RABGAP1L: variants seen among roughly 807,000 people sequenced by gnomAD.
RABGAP1L encodes rab GTPase-activating protein 1-like.
In RABGAP1L, 63 loss-of-function variants were observed where a neutral mutation model predicts 137.7. The observed-to-expected ratio is 0.46, with a 90% CI of 0.37 to 0.56. The LOEUF is 0.56. RABGAP1L is among the 20% of genes least tolerant of loss of function. RABGAP1L has a pLI of 0.00. For missense variants in RABGAP1L, 1,095 were observed against 1,244.0 expected, an observed-to-expected ratio of 0.88 and a Z score of 1.80; for synonymous variants, 431 against 433.7, an observed-to-expected ratio of 0.99 and a Z score of 0.08.
chr1:174,808,820 A>AT (rs1453192200), intron 18 of RABGAP1L, among the ~76,000 whole-genome samples: 2 of 151,378 alleles, frequency 1.3e-5, no homozygotes, highest in African/African-American at 2.4e-5. Flanking sequence ...CGCCTGGCTA[A>AT]TTTTTTTTAT....
At chr1:174,364,395 C>T (rs1684431506) in intron 11 of RABGAP1L, among the ~76,000 whole-genome samples, 3 of 149,084 alleles carry the variant, frequency 2.0e-5, no homozygotes, top group South Asian at 4.3e-4. Flanking sequence ...GCTGGGACTA[C>T]AGGCGCCCGC....
chr1:174,875,605 C>T (rs1398348877), intron 19 of RABGAP1L: 6 of 985,152 alleles, frequency 6.1e-6, no homozygotes, highest in Non-Finnish European at 6.0e-6. Flanking sequence ...ATTGCTTTCA[C>T]ATCTAGAAAA....
At chr1:174,429,877 C>G (rs1652406856) in intron 13 of RABGAP1L, among the ~76,000 whole-genome samples, 1 of 151,976 alleles carries the variant, frequency 6.6e-6, no homozygotes, top group Admixed American at 6.6e-5. Flanking sequence ...CATTTCCAGC[C>G]AAGTTAGTCT....
chr1:174,374,919 A>G (rs931680868), intron 12 of RABGAP1L, among the ~76,000 whole-genome samples: 9 of 152,144 alleles, frequency 5.9e-5, no homozygotes, highest in African/African-American at 2.2e-4. Context: ...GTTTGGGATT[A>G]TATCACCATT....
intron 14 of RABGAP1L, among the ~76,000 whole-genome samples, chr1:174,649,978 G>C (rs867945121): frequency 6.6e-5 from 10 of 152,062 alleles, no homozygotes; most frequent in African/African-American, 2.2e-4. Context: ...GTGTGTCATA[G>C]ATAGCTCTTA....
At chr1:174,274,333 A>T (rs1489501228) in intron 8 of RABGAP1L, among the ~76,000 whole-genome samples, 2 of 152,114 alleles carry the variant, frequency 1.3e-5, no homozygotes, top group East Asian at 3.9e-4. Context: ...TCCGTGAATG[A>T]TGGACCCATA....
chr1:174,598,417 A>T (rs766407875), intron 13 of RABGAP1L, among the ~76,000 whole-genome samples: 1 of 151,122 alleles, frequency 6.6e-6, no homozygotes, highest in Non-Finnish European at 1.5e-5. Context: ...TGAAATATCT[A>T]TTAGGTCCAT....
chr1:174,416,044 A>ACAT (rs1558215063), intron 13 of RABGAP1L, among the ~76,000 whole-genome samples: 3 of 144,342 alleles, frequency 2.1e-5, no homozygotes, highest in African/African-American at 5.2e-5. Context: ...ATACACACAC[A>ACAT]TTTTTTTTTT....
chr1:174,556,101 G>A (rs1214111560), intron 13 of RABGAP1L, among the ~76,000 whole-genome samples: 3 of 149,852 alleles, frequency 2.0e-5, no homozygotes, highest in East Asian at 4.0e-4. Flanking sequence ...AGGTTCAAGC[G>A]ATTCTCCTGC....
In RABGAP1L at chr1:174,623,828, C is replaced by T. The variant is rs565604450; in HGVS notation, c.1711-13547C>T. ...CCCCCATGCCTTGGACCCCCCTCAT[C>T]AGGCATGATGTTCCATGGGCTAGAA... On this transcript the variant is annotated intron_variant, in intron 13 of 25. Transcript: ENST00000681986. 1.1e-4 allele frequency among the ~76,000 whole-genome samples: 17 copies of T among 152,330 alleles called. No individual in the cohort carries two copies. In the South Asian group the frequency reaches 3.5e-3, roughly 32 times the overall value.
Position 174,589,653 on chromosome 1 carries a change from G to A in RABGAP1L, c.1711-47722G>A, listed in dbSNP as rs539048947. Among the ~76,000 whole-genome samples the A allele has an allele frequency of 4.9e-4, 75 of 152,230 alleles. No homozygotes were observed. The South Asian group carries it at 0.012, about 25-fold the overall frequency. On this transcript the variant is annotated intron_variant, in intron 13 of 25. Coordinates refer to ENST00000681986, the MANE Select transcript of RABGAP1L (RefSeq NM_001366446.1). The stretch of plus-strand genomic sequence containing the variant: ...TTTTTATATATGTCGAGAGAAAGGG[G>A]TCTAGTTTCATTCTTCTGCATATGG...
chr1:174,447,765 A>G (rs1177664735), intron 13 of RABGAP1L, among the ~76,000 whole-genome samples: 1 of 150,536 alleles, frequency 6.6e-6, no homozygotes, highest in African/African-American at 2.5e-5. Flanking sequence ...CAAGATAATA[A>G]GAAGTCTATT....
chr1:174,903,454 C>A (rs776440228), intron 19 of RABGAP1L, among the ~76,000 whole-genome samples: 8 of 152,280 alleles, frequency 5.3e-5, no homozygotes, highest in Middle Eastern at 6.8e-3. Context: ...ACAAATTCTG[C>A]TGTTCTATTT....
At chr1:174,560,025 C>T (rs752699018) in intron 13 of RABGAP1L, among the ~76,000 whole-genome samples, 6 of 151,998 alleles carry the variant, frequency 3.9e-5, no homozygotes, top group Non-Finnish European at 8.8e-5. Context: ...ATCCCAGCTA[C>T]TTGGGGGGCT....
intron 13 of RABGAP1L, among the ~76,000 whole-genome samples, chr1:174,447,463 ACC>A (rs1430366505): frequency 4.6e-5 from 7 of 151,448 alleles, no homozygotes; most frequent in Non-Finnish European, 8.8e-5. Context: ...TATAAATTTG[ACC>A]CCCCAACATC....
chr1:174,590,067 T>G (rs954673091), intron 13 of RABGAP1L, among the ~76,000 whole-genome samples: 2 of 151,624 alleles, frequency 1.3e-5, no homozygotes, highest in African/African-American at 4.8e-5. Context: ...ACAATATTGA[T>G]TCTTCTAATC....
At chr1:174,774,550 ATT>A (rs575961663) in intron 18 of RABGAP1L, among the ~76,000 whole-genome samples, 3 of 148,222 alleles carry the variant, frequency 2.0e-5, no homozygotes, top group African/African-American at 4.9e-5. Context: ...ACAAAGGAAG[ATT>A]TTTTTTTTTT....
chr1:174,490,913 C>G (rs1439372228), intron 13 of RABGAP1L, among the ~76,000 whole-genome samples: 4 of 152,068 alleles, frequency 2.6e-5, no homozygotes, highest in African/African-American at 9.7e-5. Context: ...CCCAAGTGCT[C>G]TTTAGTCAGC....
At chr1:174,708,100 C>G (rs534619902) in intron 17 of RABGAP1L, among the ~76,000 whole-genome samples, 1 of 152,234 alleles carries the variant, frequency 6.6e-6, no homozygotes, top group South Asian at 2.1e-4. Context: ...ATCGTTGACC[C>G]TTCAAATTAG....
Sources: allele counts gnomAD v4.1 joint callset (sites outside exome capture counted in the v4.1 genomes callset), GRCh38; gene constraint gnomAD v4.1.1; transcripts MANE v1.5; gene names NCBI Gene and HGNC (gene_info 2026-07-23, HGNC 2026-07-21).